Variants in DPP10 observed in about 807,000 individuals in gnomAD.
The protein encoded by DPP10 is dipeptidyl peptidase like 10.
In DPP10, 33 loss-of-function variants were observed where a neutral mutation model predicts 120.9. That is an observed-to-expected ratio of 0.27 (90% CI 0.21 to 0.37). The LOEUF is 0.37. Ranked by LOEUF, DPP10 falls within the 10% of genes least tolerant of loss-of-function variation. The pLI is 1.00. For synonymous variants in DPP10, 337 were observed against 326.1 expected (o/e 1.03, Z -0.36); for missense variants, 816 against 942.8 (o/e 0.87, Z 1.76).
In DPP10 at chr2:115,766,583, C is replaced by T. The variant is rs114067365; in HGVS notation, c.1114-1714C>T. Reference sequence around the variant, plus strand: ...CAAACGCATACATACACAAATTATACGTTGAATGGTGTTAGTTGCTGTATT... The same window carrying T: ...CAAACGCATACATACACAAATTATATGTTGAATGGTGTTAGTTGCTGTATT... On this transcript the variant is annotated intron_variant, in intron 12 of 25. Transcript: ENST00000410059. Among the ~76,000 whole-genome samples, 727 of 151,880 alleles carry T rather than the reference C, an allele frequency of 4.8e-3. 10 individuals are homozygous for T. Among genetic ancestry groups the T allele is most frequent in the African/African-American group, 0.017 (697 of 41,418 alleles).
At chr2:114,483,384 C>T (rs1487475132) in intron 1 of DPP10, among the ~76,000 whole-genome samples, 1 of 151,946 alleles carries the variant, frequency 6.6e-6, no homozygotes, top group Non-Finnish European at 1.5e-5. Flanking sequence ...TGTTCAATGG[C>T]CATAGCATTC....
At chr2:115,183,005 T>C (rs1406128626) in intron 1 of DPP10, among the ~76,000 whole-genome samples, 1 of 119,324 alleles carries the variant, frequency 8.4e-6, no homozygotes, top group Non-Finnish European at 1.9e-5. Context: ...CATGAAATAT[T>C]TACACGCACA....
intron 3 of DPP10, among the ~76,000 whole-genome samples, chr2:115,405,748 C>T (rs908486924): frequency 6.6e-6 from 1 of 152,228 alleles, no homozygotes; most frequent in Non-Finnish European, 1.5e-5. Flanking sequence ...GAAGCTGCGG[C>T]ATGAGCTGTA....
chr2:114,988,399 GAGA>G (rs956302829), intron 1 of DPP10, among the ~76,000 whole-genome samples: 155 of 152,278 alleles, frequency 1.0e-3, no homozygotes, highest in African/African-American at 3.6e-3. Context: ...CCACATATGT[GAGA>G]AGGAGGAGAT....
At chr2:114,705,833 A>T (rs1040883220) in intron 1 of DPP10, among the ~76,000 whole-genome samples, 1 of 152,184 alleles carries the variant, frequency 6.6e-6, no homozygotes, top group Non-Finnish European at 1.5e-5. Flanking sequence ...GAAGATTGAA[A>T]CTATGCTTCA....
At chr2:115,017,736 C>T (rs533003947) in intron 1 of DPP10, among the ~76,000 whole-genome samples, 1 of 152,030 alleles carries the variant, frequency 6.6e-6, no homozygotes, top group Admixed American at 6.6e-5. Flanking sequence ...CCATCATTCT[C>T]AGCAAACTAT....
chr2:115,667,294 T>C (rs2089530233), intron 5 of DPP10, among the ~76,000 whole-genome samples: 1 of 152,148 alleles, frequency 6.6e-6, no homozygotes, highest in Non-Finnish European at 1.5e-5. Context: ...TTCTCCAGTC[T>C]GTAGGTTGTT....
At chr2:115,448,021 T>G (rs2072769210) in intron 3 of DPP10, among the ~76,000 whole-genome samples, 1 of 152,188 alleles carries the variant, frequency 6.6e-6, no homozygotes, top group African/African-American at 2.4e-5. Flanking sequence ...TAGACCTGAC[T>G]GGTATTGGAT....
intron 5 of DPP10, among the ~76,000 whole-genome samples, chr2:115,615,998 C>T (rs893458862): frequency 6.6e-6 from 1 of 152,050 alleles, no homozygotes; most frequent in Non-Finnish European, 1.5e-5. Context: ...ATTAGCAATT[C>T]TAAATTATTC....
intron 2 of DPP10, among the ~76,000 whole-genome samples, chr2:115,336,879 A>G (rs956034114): frequency 6.6e-6 from 1 of 152,030 alleles, no homozygotes; most frequent in Admixed American, 6.6e-5. Flanking sequence ...ATTGAGATGA[A>G]TGATTGATAT....
intron 1 of DPP10, among the ~76,000 whole-genome samples, chr2:114,443,126 CA>C (rs924133155): frequency 6.8e-4 from 103 of 151,900 alleles, no homozygotes; most frequent in African/African-American, 2.4e-3. Flanking sequence ...GAAGAGTTTC[CA>C]GTCCATGCCA....
intron 3 of DPP10, among the ~76,000 whole-genome samples, chr2:115,371,139 A>G (rs1303846683): frequency 6.6e-6 from 1 of 152,126 alleles, no homozygotes; most frequent in Non-Finnish European, 1.5e-5. Flanking sequence ...TTCCCACAAA[A>G]TTTGACCTGT....
chr2:114,991,662 T>C (rs888346322), intron 1 of DPP10, among the ~76,000 whole-genome samples: 2 of 152,144 alleles, frequency 1.3e-5, no homozygotes, highest in Admixed American at 6.5e-5. Context: ...TCTTGATAAA[T>C]ATAAACAAAG....
intron 1 of DPP10, among the ~76,000 whole-genome samples, chr2:114,753,143 A>G (rs1679391695): frequency 6.6e-6 from 1 of 152,016 alleles, no homozygotes; most frequent in South Asian, 2.1e-4. Context: ...AACACTCCAC[A>G]CTCCCAAATA....
At chr2:115,024,143 CA>C (rs1277025221) in intron 1 of DPP10, among the ~76,000 whole-genome samples, 1 of 151,912 alleles carries the variant, frequency 6.6e-6, no homozygotes, top group East Asian at 1.9e-4. Context: ...ACCTGTTCCC[CA>C]AAAACCTATT....
chr2:114,781,980 T>C (rs1682368485), intron 1 of DPP10, among the ~76,000 whole-genome samples: 1 of 152,132 alleles, frequency 6.6e-6, no homozygotes, highest in Admixed American at 6.6e-5. Flanking sequence ...TGATATTTTT[T>C]ATTCTTTAAA....
chr2:115,735,413 T>C (rs1273253064), intron 8 of DPP10, among the ~76,000 whole-genome samples: 2 of 152,162 alleles, frequency 1.3e-5, no homozygotes, highest in Admixed American at 6.5e-5. Flanking sequence ...CTTCTTCCAA[T>C]GTTCATTTCT....
chr2:114,511,369 T>C (rs1034927261), intron 1 of DPP10, among the ~76,000 whole-genome samples: 3 of 152,180 alleles, frequency 2.0e-5, no homozygotes, highest in Admixed American at 6.5e-5. Flanking sequence ...AGTTTCATAA[T>C]TGGGTCCTCC....
At chr2:115,747,141 A>G (rs1052328423) in intron 10 of DPP10, among the ~76,000 whole-genome samples, 3 of 152,180 alleles carry the variant, frequency 2.0e-5, no homozygotes, top group African/African-American at 7.2e-5. Context: ...ACTACCTAAT[A>G]TAAACTTCTC....
Sources: allele counts gnomAD v4.1 joint callset (sites outside exome capture counted in the v4.1 genomes callset), GRCh38; gene constraint gnomAD v4.1.1; transcripts MANE v1.5; gene names NCBI Gene and HGNC (gene_info 2026-07-23, HGNC 2026-07-21).